FANK1: variants seen among roughly 807,000 people sequenced by gnomAD.
The protein encoded by FANK1 is fibronectin type 3 and ankyrin repeat domains protein 1.
FANK1 carries 44 observed loss-of-function variants against 45.3 expected under a neutral mutation model. The ratio of observed to expected loss-of-function variants is 0.97; its 90% CI spans 0.76 to 1.25. The LOEUF (loss-of-function observed/expected upper bound fraction) is 1.25. FANK1 is among the 50% of genes most tolerant of loss of function. The pLI is 0.00. For synonymous variants in FANK1, 149 were observed against 152.5 expected, an observed-to-expected ratio of 0.98 and a Z score of 0.17; for missense variants, 391 against 424.4, an observed-to-expected ratio of 0.92 and a Z score of 0.69.
chr10:125,901,854 C>G (rs1158627993), intron 1 of FANK1, among the ~76,000 whole-genome samples: 3 of 152,242 alleles, frequency 2.0e-5, no homozygotes, highest in African/African-American at 7.2e-5. Context: ...GACGTGGTGG[C>G]TCACGCCTGT....
chr10:125,942,907 G>A (rs1030659234), intron 1 of FANK1, among the ~76,000 whole-genome samples: 4 of 148,992 alleles, frequency 2.7e-5, no homozygotes, highest in South Asian at 2.1e-4. Flanking sequence ...TCTGCCTCCC[G>A]GGTTCCAGCA....
chr10:125,921,737 A>G (rs1470748643), intron 1 of FANK1, among the ~76,000 whole-genome samples: 2 of 152,170 alleles, frequency 1.3e-5, no homozygotes, highest in South Asian at 2.1e-4. Flanking sequence ...TTAGAAGCAT[A>G]TAGTTGTTTG....
At chr10:125,951,800 T>G (rs1220780548) in intron 1 of FANK1, among the ~76,000 whole-genome samples, 2 of 152,208 alleles carry the variant, frequency 1.3e-5, no homozygotes, top group Non-Finnish European at 2.9e-5. Flanking sequence ...AATTTTAGAA[T>G]GATCAATAAT....
At chr10:125,969,951 A>G (rs1348455582) in intron 1 of FANK1, among the ~76,000 whole-genome samples, 2 of 152,246 alleles carry the variant, frequency 1.3e-5, no homozygotes, top group African/African-American at 2.4e-5. Flanking sequence ...GGGTAAGGTT[A>G]TATATTAACA....
At chr10:125,929,406 G>A (rs1404058931) in intron 1 of FANK1, among the ~76,000 whole-genome samples, 3 of 152,076 alleles carry the variant, frequency 2.0e-5, no homozygotes, top group Non-Finnish European at 2.9e-5. Context: ...AGGAGGGCAG[G>A]GTTTATGACA....
chr10:125,924,676 G>T (rs974954324), intron 1 of FANK1, among the ~76,000 whole-genome samples: 1 of 151,952 alleles, frequency 6.6e-6, no homozygotes, highest in Admixed American at 6.5e-5. Flanking sequence ...TGGCGTGGTG[G>T]TGTGAGCCTG....
intron 1 of FANK1, among the ~76,000 whole-genome samples, chr10:125,977,829 A>G (rs1278194298): frequency 1.3e-5 from 2 of 152,120 alleles, no homozygotes; most frequent in African/African-American, 4.8e-5. Context: ...CCTTGGGTCG[A>G]CTGTAGCTTA....
chr10:125,995,366 A>C (rs771073258), intron 3 of FANK1, 51 bp from the exon 4 acceptor site: 1 of 1,545,596 alleles, frequency 6.5e-7, no homozygotes, highest in Non-Finnish European at 8.9e-7. Flanking sequence ...GGCGGGAAGC[A>C]GTCTCCTTTT....
chr10:125,997,616 G>A (rs1442722948), intron 6 of FANK1, 131 bp downstream of exon 6: 14 of 760,358 alleles, frequency 1.8e-5, no homozygotes, highest in Admixed American at 1.1e-4. Flanking sequence ...TGAGTGGGTC[G>A]CTGAGGAAAG....
chr10:126,003,277 A>G (rs563455194), intron 6 of FANK1, among the ~76,000 whole-genome samples: 1 of 151,956 alleles, frequency 6.6e-6, no homozygotes, highest in Non-Finnish European at 1.5e-5. Context: ...TAAGGGCTCT[A>G]TTAGGTTGGG....
intron 1 of FANK1, among the ~76,000 whole-genome samples, chr10:125,943,645 A>T (rs571753509): frequency 6.6e-6 from 1 of 152,314 alleles, no homozygotes; most frequent in African/African-American, 2.4e-5. Context: ...ATTCATGCTC[A>T]GGTGTTCCTT....
intron 7 of FANK1, among the ~76,000 whole-genome samples, chr10:126,006,034 CTT>C (rs532870062): frequency 8.3e-4 from 126 of 152,326 alleles, no homozygotes; most frequent in Admixed American, 2.5e-3. Flanking sequence ...ACTTTGAAAA[CTT>C]TATTTCAAGA....
At chr10:126,005,074 C>G (rs752396399) in intron 7 of FANK1, 25 bp downstream of exon 7, 2 of 1,589,634 alleles carry the variant, frequency 1.3e-6, no homozygotes, top group Admixed American at 3.4e-5. Flanking sequence ...TTGTTAACCA[C>G]GCACATATCG....
intron 1 of FANK1, among the ~76,000 whole-genome samples, chr10:125,931,451 A>G (rs1303650349): frequency 6.6e-6 from 1 of 152,120 alleles, no homozygotes; most frequent in Non-Finnish European, 1.5e-5. Context: ...TTTGATCTGC[A>G]TTTCCCTGAT....
At chr10:125,927,524 T>G (rs1464728189) in intron 1 of FANK1, among the ~76,000 whole-genome samples, 1 of 152,106 alleles carries the variant, frequency 6.6e-6, no homozygotes, top group Non-Finnish European at 1.5e-5. Flanking sequence ...CTTCCAAGCT[T>G]GGGTCCATTA....
chr10:125,904,883 T>A (rs919945921), intron 1 of FANK1, among the ~76,000 whole-genome samples: 6 of 151,644 alleles, frequency 4.0e-5, no homozygotes, highest in African/African-American at 1.5e-4. Context: ...CCCAGCCCTT[T>A]GGGAGGCCGA....
At chr10:125,997,263 T>A (rs1364612328) in intron 5 of FANK1, among the ~76,000 whole-genome samples, 157 bp from the exon 6 acceptor site, 1 of 152,198 alleles carries the variant, frequency 6.6e-6, no homozygotes, top group African/African-American at 2.4e-5. Context: ...TCTGGTTTAA[T>A]GGTGCCTGGT....
intron 1 of FANK1, among the ~76,000 whole-genome samples, chr10:125,923,469 AAAAT>A (rs1247547067): frequency 1.3e-5 from 2 of 151,912 alleles, no homozygotes; most frequent in African/African-American, 4.8e-5. Flanking sequence ...TCAAAAAAAA[AAAAT>A]TTTTTTCATC....
chr10:126,008,865 AT>A (rs1427466406), intron 8 of FANK1, among the ~76,000 whole-genome samples, 188 bp from the exon 9 acceptor site: 1 of 152,070 alleles, frequency 6.6e-6, no homozygotes, highest in Non-Finnish European at 1.5e-5. Flanking sequence ...TCCATTTTCC[AT>A]TTTCTCTGGA....
Sources: allele counts gnomAD v4.1 joint callset (sites outside exome capture counted in the v4.1 genomes callset), GRCh38; gene constraint gnomAD v4.1.1; transcripts MANE v1.5; gene names NCBI Gene and HGNC (gene_info 2026-07-23, HGNC 2026-07-21).